The following FYTTD1 variants were observed in gnomAD, a reference collection of about 807,000 sequenced individuals.
FYTTD1 encodes forty-two-three domain containing 1.
FYTTD1 carries 22 observed loss-of-function variants against 40.9 expected under a neutral mutation model. The ratio of observed to expected loss-of-function variants is 0.54; its 90% confidence interval spans 0.38 to 0.77. The LOEUF is 0.77. Ranked by LOEUF, FYTTD1 falls within the 30% of genes least tolerant of loss-of-function variation. The probability of loss-of-function intolerance (pLI) is 0.00; values close to 1 mark genes in which losing one functional copy is unlikely to be tolerated. For missense variants in FYTTD1, 351 were observed against 392.2 expected (o/e 0.90, Z 0.89); for synonymous variants, 140 against 137.9 (o/e 1.01, Z -0.10).
In FYTTD1 at chr3:197,770,075, TAGTAG is replaced by T. The variant is rs1033376644; in HGVS notation, c.385-52_385-48del. 3.2e-6 allele frequency: 3 copies of T among 940,764 alleles called. No individual in the cohort carries two copies. The African/African-American group carries it at 5.0e-5, about 16-fold the overall frequency. 58.3% of individuals were successfully genotyped at this position (940,764 alleles called of 1,614,324 possible). A position where few individuals can be genotyped will look rare whatever the true frequency, so the allele number is the denominator to read the frequency against. On this transcript the variant is annotated intron_variant, in intron 3 of 8. Coordinates refer to ENST00000241502, the MANE Select transcript of FYTTD1 (RefSeq NM_032288.7). ...CATTCTGCATCTGAAATGTTTATTG[TAGTAG>T]AGTATATAGAAAAATGCAATTTGAT...
intron 6 of FYTTD1, 63 bp from the exon 7 acceptor site, chr3:197,776,864 T>C: frequency 9.3e-7 from 1 of 1,078,672 alleles, no homozygotes; most frequent in Non-Finnish European, 1.4e-6. Context: ...ATTTTTATTT[T>C]GAATATACAT....
intron 2 of FYTTD1, among the ~76,000 whole-genome samples, chr3:197,761,415 GTA>G: frequency 6.6e-6 from 1 of 151,902 alleles, no homozygotes; most frequent in African/African-American, 2.4e-5. Context: ...GTGGTAGAAT[GTA>G]TAGAGTTGTT....
chr3:197,758,164 C>T (rs1482905575), intron 2 of FYTTD1, among the ~76,000 whole-genome samples: 3 of 152,232 alleles, frequency 2.0e-5, no homozygotes, highest in African/African-American at 7.2e-5. Context: ...CGGCCTCCTG[C>T]CTCAGCCCCA....
intron 2 of FYTTD1, among the ~76,000 whole-genome samples, chr3:197,761,154 A>T (rs1023213745): frequency 1.3e-5 from 2 of 151,678 alleles, no homozygotes; most frequent in African/African-American, 4.9e-5. Context: ...GTTGTTCTTC[A>T]ATAGTAGGAT....
chr3:197,775,223 GC>G (rs1729843233), intron 6 of FYTTD1, among the ~76,000 whole-genome samples: 1 of 151,678 alleles, frequency 6.6e-6, no homozygotes, highest in South Asian at 2.1e-4. Flanking sequence ...TTTTTTCTTA[GC>G]CCTATAAAAA....
intron 8 of FYTTD1, among the ~76,000 whole-genome samples, 157 bp from the exon 9 acceptor site, chr3:197,781,654 T>A (rs1351682074): frequency 2.6e-5 from 4 of 152,200 alleles, no homozygotes; most frequent in Admixed American, 1.3e-4. Context: ...TAATGTAGGC[T>A]TTATATGAGG....
chr3:197,750,807 C>G (rs1729004458), intron 1 of FYTTD1: 2 of 985,368 alleles, frequency 2.0e-6, no homozygotes, highest in South Asian at 4.7e-5. Flanking sequence ...ATTGCTGTGG[C>G]TCGCTGAGAA....
chr3:197,779,768 C>T (rs1029280610), intron 8 of FYTTD1, among the ~76,000 whole-genome samples: 1 of 149,820 alleles, frequency 6.7e-6, no homozygotes, highest in African/African-American at 2.5e-5. Context: ...TACAGGCACA[C>T]ACCACCACAC....
rs752854953 is a variant in FYTTD1, at chr3:197,756,447, G to A, written c.125G>A (p.Arg42Gln). Residue 42 changes from arginine (R) to glutamine (Q), a missense_variant, in exon 2 of 9, where the codon CGA becomes CAA. By Grantham distance (43) the Arg-to-Gln change is conservative (BLOSUM62 1). Coordinates refer to ENST00000241502, the MANE Select transcript of FYTTD1 (RefSeq NM_032288.7). The part of the protein sequence containing the change: ...MSLDDIIKLN[R>Q]KEGKKQNFPR... The stretch of plus-strand genomic sequence containing the variant: ...ATAGATGATATCATCAAGTTGAATC[G>A]AAAGGAAGGGAAGAAGCAGAATTTT... 6.2e-7 allele frequency: 1 copy of A among 1,604,876 alleles called. No individual in the cohort carries two copies. The highest frequency in any genetic ancestry group is 1.7e-5 in the Admixed American group (1 of 59,974).
chr3:197,783,997 CAT>C lies in FYTTD1; in HGVS notation c.*2091_*2092del, dbSNP rs1410757008. The C allele has an allele frequency of 6.6e-6, 1 of 152,148 alleles. No individual in the cohort carries two copies. The allele number at this position is 152,148 out of a possible 1,614,324, so 9.4% of individuals were successfully genotyped here. On this transcript the variant is annotated 3_prime_UTR_variant, in exon 9 of 9. Transcript: ENST00000241502. ...ACTAAATTAAAACTCTTGGTGGTCA[CAT>C]ATTGTATATAAACAAAACAATATGC...
At chr3:197,763,412 C>G (rs572609632) in intron 2 of FYTTD1, 3 of 325,644 alleles carry the variant, frequency 9.2e-6, no homozygotes, top group Non-Finnish European at 1.7e-5. Context: ...AGACTCTTGT[C>G]TCAAAAAAAA....
At chr3:197,754,923 T>C (rs1729167741) in intron 1 of FYTTD1, among the ~76,000 whole-genome samples, 1 of 152,240 alleles carries the variant, frequency 6.6e-6, no homozygotes, top group Non-Finnish European at 1.5e-5. Flanking sequence ...ATCTCACCTC[T>C]AAAAGTGCTG....
rs745859521 is a variant in FYTTD1, at chr3:197,782,524, G to A, written c.*615G>A. On this transcript the variant is annotated 3_prime_UTR_variant, in exon 9 of 9. Transcript: ENST00000241502. ...CTTTTAACAGGAAATGTGGCCCTAG[G>A]TATTAGTCTTAGTTTAAAATGTTGG... is the stretch of plus-strand genomic sequence containing the variant. 6.6e-6 allele frequency: 1 copy of A among 152,166 alleles called. No individual in the cohort carries two copies. The highest frequency in any genetic ancestry group is 1.5e-5 in the Non-Finnish European group (1 of 68,032). The allele number at this position is 152,166 out of a possible 1,614,324, so 9.4% of individuals were successfully genotyped here. A position where few individuals can be genotyped will look rare whatever the true frequency, so the allele number is the denominator to read the frequency against.
At chr3:197,763,233 G>A (rs977343874) in intron 2 of FYTTD1, among the ~76,000 whole-genome samples, 4 of 152,060 alleles carry the variant, frequency 2.6e-5, no homozygotes, top group African/African-American at 9.6e-5. Flanking sequence ...GGCCAACATG[G>A]CAAAACCCTA....
intron 6 of FYTTD1, among the ~76,000 whole-genome samples, chr3:197,776,507 G>A (rs1204324559): frequency 6.6e-6 from 1 of 150,678 alleles, no homozygotes; most frequent in Non-Finnish European, 1.5e-5. Context: ...ACAGGTGTGA[G>A]CCAGTGCCCG....
chr3:197,756,321 A>G, intron 1 of FYTTD1, 105 bp from the exon 2 acceptor site: 1 of 781,112 alleles, frequency 1.3e-6, no homozygotes, highest in Non-Finnish European at 2.1e-6. Flanking sequence ...AGTGCTTTCA[A>G]AGTAGAAAAG....
chr3:197,778,564 T>C, intron 8 of FYTTD1, 100 bp downstream of exon 8: 1 of 788,452 alleles, frequency 1.3e-6, no homozygotes, highest in South Asian at 2.2e-5. Context: ...GTATCCTAAC[T>C]GCCCCCTGAA....
rs758414403 is a variant in FYTTD1 at position 197,770,254 on chromosome 3, CA to C, written c.497+15del. On this transcript the variant is annotated intron_variant, in intron 4 of 8. Coordinates refer to ENST00000241502, the MANE Select transcript of FYTTD1 (RefSeq NM_032288.7). ...GCCAGCTAAGCAGAAAGTAAGTGCT[CA>C]AAAATAATAATGTGTTATTTTGCAT... The C allele has an allele frequency of 2.3e-5, 34 of 1,488,676 alleles. No individual in the cohort carries two copies. In the African/African-American group the frequency reaches 3.6e-4, roughly 16 times the overall value. 92.2% of individuals were successfully genotyped at this position (1,488,676 alleles called of 1,614,324 possible). A position where few individuals can be genotyped will look rare whatever the true frequency, so the allele number is the denominator to read the frequency against.
chr3:197,774,270 A>C, intron 6 of FYTTD1, 60 bp downstream of exon 6: 1 of 1,319,194 alleles, frequency 7.6e-7, no homozygotes, highest in Non-Finnish European at 1.1e-6. Flanking sequence ...CTAACTACCC[A>C]AATTATCATG....
Sources: allele counts gnomAD v4.1 joint callset (sites outside exome capture counted in the v4.1 genomes callset), GRCh38; gene constraint gnomAD v4.1.1; transcripts MANE v1.5; gene names NCBI Gene and HGNC (gene_info 2026-07-23, HGNC 2026-07-21).